The following EGFLAM variants were observed in gnomAD, a reference collection of about 807,000 sequenced individuals.
The protein encoded by EGFLAM is pikachurin.
In EGFLAM, 79 loss-of-function variants were observed where a neutral mutation model predicts 113.1. That is an observed-to-expected ratio of 0.70 (90% CI 0.58 to 0.84). The LOEUF is 0.84. EGFLAM is among the 40% of genes least tolerant of loss of function. EGFLAM has a pLI of 0.00. For missense variants in EGFLAM, 1,265 were observed against 1,291.6 expected, an observed-to-expected ratio of 0.98 and a Z score of 0.32; for synonymous variants, 504 against 487.6, an observed-to-expected ratio of 1.03 and a Z score of -0.44.
At chr5:38,352,808 C>T (rs1328082015) in intron 5 of EGFLAM, among the ~76,000 whole-genome samples, 2 of 152,152 alleles carry the variant, frequency 1.3e-5, no homozygotes, top group African/African-American at 4.8e-5. Context: ...CTCCACACAT[C>T]TTTGTTGGTG....
intron 16 of EGFLAM, among the ~76,000 whole-genome samples, chr5:38,435,645 G>T (rs1427000579): frequency 6.6e-6 from 1 of 152,018 alleles, no homozygotes; most frequent in African/African-American, 2.4e-5. Flanking sequence ...TTTGCAGTTT[G>T]CTCAACATTA....
chr5:38,439,874 A>G (rs576132200), intron 17 of EGFLAM, among the ~76,000 whole-genome samples: 3 of 152,336 alleles, frequency 2.0e-5, no homozygotes, highest in African/African-American at 2.4e-5. Context: ...GGAGCATCCA[A>G]TTTGTGCTTG....
chr5:38,261,237 C>T (rs1032759018), intron 1 of EGFLAM, among the ~76,000 whole-genome samples: 5 of 152,192 alleles, frequency 3.3e-5, no homozygotes, highest in Non-Finnish European at 7.3e-5. Flanking sequence ...TTTCTCTTCA[C>T]CCCAAGATAG....
At position 38,431,779 on chromosome 5, in the gene EGFLAM, C is replaced by A. The variant is rs578000045; in HGVS notation, c.2166+491C>A. Among the ~76,000 whole-genome samples, 6 of 152,258 alleles carry A rather than the reference C, an allele frequency of 3.9e-5. No individual in the cohort carries two copies. In the South Asian group the frequency reaches 8.3e-4, roughly 21 times the overall value. ...AAGATTGTTCTTGTCTCAGCATTAT[C>A]CTCTTATCAATGGGGATAATGGTGA... On this transcript the variant is annotated intron_variant, in intron 15 of 21. Coordinates refer to ENST00000322350, the MANE Select transcript of EGFLAM (RefSeq NM_152403.4).
intron 19 of EGFLAM, among the ~76,000 whole-genome samples, chr5:38,456,666 T>C (rs1356586285): frequency 2.6e-5 from 4 of 152,210 alleles, no homozygotes. Flanking sequence ...AGGAATGATC[T>C]ATGGTGCTTT....
chr5:38,406,899 T>C lies in EGFLAM; in HGVS notation c.900T>C (p.Ser300=). 1.9e-6 allele frequency: 3 copies of C among 1,614,216 alleles called. No homozygotes were observed. The highest frequency in any genetic ancestry group is 2.5e-6 in the Non-Finnish European group (3 of 1,180,042). Reference sequence around the variant, plus strand: ...TGGAAAGCAAGAAGATGTCTATATCTAACCCAAAGACCATTTCTAGGCTCA... The same window carrying C: ...TGGAAAGCAAGAAGATGTCTATATCCAACCCAAAGACCATTTCTAGGCTCA... The part of the protein sequence containing the change: ...FLVESKKMSI[S]NPKTISRLIP... The change falls in exon 8 of 22, where the codon TCT becomes TCC. Residue 300 remains serine (S), a synonymous_variant. Coordinates refer to ENST00000322350, the MANE Select transcript of EGFLAM (RefSeq NM_152403.4).
intron 6 of EGFLAM, among the ~76,000 whole-genome samples, chr5:38,378,488 CAG>C (rs1334117500): frequency 2.0e-5 from 3 of 152,188 alleles, no homozygotes; most frequent in African/African-American, 7.2e-5. Flanking sequence ...CAGCAGTGAG[CAG>C]AGAGGAAGCA....
chr5:38,399,132 A>G (rs770765711), intron 6 of EGFLAM, among the ~76,000 whole-genome samples: 24 of 152,194 alleles, frequency 1.6e-4, no homozygotes, highest in Non-Finnish European at 3.1e-4. Flanking sequence ...CTTGAGGGAA[A>G]GTTTGGGTTT....
At chr5:38,445,815 G>GT (rs1484407407) in intron 17 of EGFLAM, 2 of 1,155,362 alleles carry the variant, frequency 1.7e-6, no homozygotes, top group Non-Finnish European at 2.6e-6. Flanking sequence ...ATGCCTACGC[G>GT]TGGTGGGAAG....
chr5:38,368,545 A>G (rs1468780638), intron 5 of EGFLAM, among the ~76,000 whole-genome samples: 1 of 152,180 alleles, frequency 6.6e-6, no homozygotes. Context: ...ATCTTCTTTT[A>G]GCAAAATGAC....
chr5:38,414,067 G>T (rs1192373621), intron 11 of EGFLAM, among the ~76,000 whole-genome samples: 2 of 152,194 alleles, frequency 1.3e-5, no homozygotes, highest in African/African-American at 4.8e-5. Flanking sequence ...ACTGGTATGG[G>T]TCCATGGCCC....
rs762022131 is a variant in EGFLAM, at chr5:38,438,385, C to T, written c.2394C>T (p.Ser798=). ...CVRAPCAHGG[S]CRPRKEGYDC... is the part of the protein sequence containing the mutation. ...GAGCCCCTTGTGCCCATGGGGGCAG[C>T]TGCCGGCCCAGGAAGGAGGGCTATG... The change falls in exon 17 of 22, where the codon AGC becomes AGT. Residue 798 remains serine (S), a synonymous_variant. Transcript: ENST00000322350. 1 of 1,613,996 alleles carries T rather than the reference C, an allele frequency of 6.2e-7. No individual in the cohort carries two copies. Among genetic ancestry groups the T allele is most frequent in the East Asian group, 2.2e-5 (1 of 44,868 alleles).
intron 17 of EGFLAM, among the ~76,000 whole-genome samples, chr5:38,442,305 C>A (rs1209778576): frequency 6.8e-6 from 1 of 147,094 alleles, no homozygotes; most frequent in Non-Finnish European, 1.5e-5. Context: ...AATTAATATA[C>A]TAAATTTTTA....
At chr5:38,458,247 C>T (rs1443352902) in intron 19 of EGFLAM, 64 bp from the exon 20 acceptor site, 37 of 1,459,208 alleles carry the variant, frequency 2.5e-5, no homozygotes, top group Non-Finnish European at 3.5e-5. Context: ...CGTCTGTGAA[C>T]CGTGTCTGCT....
chr5:38,337,173 G>A (rs1739210065), intron 1 of EGFLAM, among the ~76,000 whole-genome samples: 1 of 152,194 alleles, frequency 6.6e-6, no homozygotes, highest in Admixed American at 6.5e-5. Flanking sequence ...AAATGTGCCT[G>A]TCATCTTACT....
At chr5:38,290,872 G>C (rs998125669) in intron 1 of EGFLAM, 1 of 152,382 alleles carries the variant, frequency 6.6e-6, no homozygotes, top group Non-Finnish European at 1.5e-5. Context: ...ACGAGGTCAG[G>C]AGATCAAGAC....
intron 4 of EGFLAM, among the ~76,000 whole-genome samples, chr5:38,351,319 G>C (rs1739618090): frequency 6.6e-6 from 1 of 152,010 alleles, no homozygotes; most frequent in South Asian, 2.1e-4. Flanking sequence ...ATATTGGCCA[G>C]GCTGGTCTCG....
chr5:38,387,114 G>A (rs1449833685), intron 6 of EGFLAM, among the ~76,000 whole-genome samples: 1 of 152,166 alleles, frequency 6.6e-6, no homozygotes, highest in East Asian at 1.9e-4. Flanking sequence ...GGTTTTCTGG[G>A]CTGAGTGTGG....
At chr5:38,378,922 T>C (rs1173831221) in intron 6 of EGFLAM, among the ~76,000 whole-genome samples, 1 of 152,138 alleles carries the variant, frequency 6.6e-6, no homozygotes, top group Non-Finnish European at 1.5e-5. Flanking sequence ...CTCTTCAAGA[T>C]GAAGGAGATG....
Sources: gnomAD v4.1 joint callset for allele counts (sites outside exome capture counted in the v4.1 genomes callset) on GRCh38, gnomAD v4.1.1 for gene constraint, MANE v1.5 for transcripts, NCBI Gene and HGNC (gene_info 2026-07-23, HGNC 2026-07-21) for gene names.